Variants in ADGRB3 observed in about 807,000 individuals in gnomAD.
ADGRB3 encodes adhesion G protein-coupled receptor B3, also known as brain-specific angiogenesis inhibitor 3.
Under a neutral mutation model 193.4 loss-of-function variants are expected in ADGRB3, and 37 were observed. The ratio of observed to expected loss-of-function variants is 0.19; its 90% CI spans 0.15 to 0.25. The LOEUF is 0.25. Among genes scored for constraint, ADGRB3 ranks in the 10% least tolerant of loss-of-function variants. The pLI is 1.00. For missense variants in ADGRB3, 1,637 were observed against 1,852.9 expected, an observed-to-expected ratio of 0.88 and a Z score of 2.14; for synonymous variants, 690 against 644.2, an observed-to-expected ratio of 1.07 and a Z score of -1.08.
chr6:69,069,731 T>TAAAAAAAAAAAAAAA (rs754345752), intron 16 of ADGRB3, among the ~76,000 whole-genome samples: 4 of 108,234 alleles, frequency 3.7e-5, no homozygotes, highest in African/African-American at 7.9e-5. Flanking sequence ...ACTCTCTCAT[T>TAAAAAAAAAAAAAAA]AAAAAAAAAA....
intron 17 of ADGRB3, among the ~76,000 whole-genome samples, chr6:69,198,725 C>T (rs1465675409): frequency 6.6e-6 from 1 of 152,050 alleles, no homozygotes. Flanking sequence ...GCCATATAGT[C>T]ATCTGGAGAG....
At chr6:68,756,163 A>C (rs2127349130) in intron 3 of ADGRB3, among the ~76,000 whole-genome samples, 1 of 151,932 alleles carries the variant, frequency 6.6e-6, no homozygotes, top group Admixed American at 6.6e-5. Context: ...TAAGGGTAGA[A>C]GACAAGAGTA....
chr6:68,768,602 A>G (rs974116199), intron 3 of ADGRB3, among the ~76,000 whole-genome samples: 1 of 152,202 alleles, frequency 6.6e-6, no homozygotes, highest in East Asian at 1.9e-4. Context: ...AAGAAAACCT[A>G]GGCAATATCA....
intron 3 of ADGRB3, among the ~76,000 whole-genome samples, chr6:68,851,699 G>A (rs775872451): frequency 6.6e-5 from 10 of 151,652 alleles, no homozygotes; most frequent in South Asian, 2.1e-4. Context: ...AGAATCCTAC[G>A]GTTTTTCAAT....
chr6:69,340,252 G>T (rs916969236), intron 26 of ADGRB3, among the ~76,000 whole-genome samples: 3 of 152,188 alleles, frequency 2.0e-5, no homozygotes, highest in Non-Finnish European at 4.4e-5. Context: ...GACAGTGAGA[G>T]ATTTCAGACT....
intron 3 of ADGRB3, among the ~76,000 whole-genome samples, chr6:68,673,234 TCTGA>T (rs1406562439): frequency 5.3e-5 from 8 of 152,212 alleles, no homozygotes; most frequent in African/African-American, 1.7e-4. Context: ...CATTTCCCTT[TCTGA>T]CTAATAGACA....
At chr6:69,374,501 C>T (rs1769772247) in intron 30 of ADGRB3, among the ~76,000 whole-genome samples, 1 of 152,032 alleles carries the variant, frequency 6.6e-6, no homozygotes, top group Non-Finnish European at 1.5e-5. Context: ...AACATCTTTG[C>T]TTCAGGCTTT....
At chr6:69,318,255 T>C (rs1768361690) in intron 20 of ADGRB3, among the ~76,000 whole-genome samples, 1 of 151,508 alleles carries the variant, frequency 6.6e-6, no homozygotes, top group African/African-American at 2.4e-5. Flanking sequence ...TTCACTTCAA[T>C]ATATAATTTC....
intron 20 of ADGRB3, among the ~76,000 whole-genome samples, chr6:69,278,691 C>T (rs757410305): frequency 4.4e-4 from 67 of 152,086 alleles, no homozygotes; most frequent in Non-Finnish European, 7.9e-4. Context: ...AGAGCAGTGT[C>T]CTGGTGAAGA....
chr6:69,376,022 C>A (rs1177057572), intron 30 of ADGRB3, among the ~76,000 whole-genome samples: 1 of 146,762 alleles, frequency 6.8e-6, no homozygotes, highest in Non-Finnish European at 1.5e-5. Flanking sequence ...CTTTTTTAAT[C>A]TTCACTTCCA....
intron 21 of ADGRB3, among the ~76,000 whole-genome samples, chr6:69,326,160 A>T (rs1031960584): frequency 6.6e-6 from 1 of 152,118 alleles, no homozygotes; most frequent in African/African-American, 2.4e-5. Flanking sequence ...GGAGGATTGC[A>T]TGAGCCTGGG....
At chr6:68,962,565 GA>G (rs1768265330) in intron 8 of ADGRB3, among the ~76,000 whole-genome samples, 1 of 151,994 alleles carries the variant, frequency 6.6e-6, no homozygotes, top group Non-Finnish European at 1.5e-5. Context: ...GTTCAATTTA[GA>G]AATATTTAGC....
At chr6:68,879,764 A>G (rs1765686737) in intron 3 of ADGRB3, among the ~76,000 whole-genome samples, 1 of 152,098 alleles carries the variant, frequency 6.6e-6, no homozygotes, top group Non-Finnish European at 1.5e-5. Flanking sequence ...TTCAGATCAA[A>G]TTGCTTAGAT....
At chr6:68,765,978 A>G (rs1442218802) in intron 3 of ADGRB3, among the ~76,000 whole-genome samples, 1 of 152,002 alleles carries the variant, frequency 6.6e-6, no homozygotes, top group African/African-American at 2.4e-5. Flanking sequence ...TACCTTAATA[A>G]TAGCTTGTCT....
chr6:68,811,511 C>T (rs1767512079), intron 3 of ADGRB3, among the ~76,000 whole-genome samples: 1 of 152,102 alleles, frequency 6.6e-6, no homozygotes, highest in Admixed American at 6.5e-5. Flanking sequence ...CTCTGCTGCC[C>T]AGGCTGGAGT....
rs559564823 is a variant in ADGRB3, at chr6:69,361,571, G to A, written c.4239+59G>A. On this transcript the variant is annotated intron_variant, in intron 29 of 31. Transcript: ENST00000370598. ...GTTGAAATATGAATAGATATAAATA[G>A]AGATATTGATTGATTGGTTGATTGA... 1.3e-5 allele frequency: 19 copies of A among 1,512,514 alleles called. No homozygotes were observed. In the South Asian group the frequency reaches 1.3e-4, roughly 10 times the overall value. 93.7% of individuals were successfully genotyped at this position (1,512,514 alleles called of 1,614,324 possible). A position where few individuals can be genotyped will look rare whatever the true frequency, so the allele number is the denominator to read the frequency against.
At chr6:68,664,229 A>T (rs1015337560) in intron 3 of ADGRB3, among the ~76,000 whole-genome samples, 2 of 150,954 alleles carry the variant, frequency 1.3e-5, no homozygotes, top group African/African-American at 4.9e-5. Flanking sequence ...TCAAATACCG[A>T]TTTTTTTTTA....
intron 5 of ADGRB3, among the ~76,000 whole-genome samples, chr6:68,939,184 G>A (rs1767569175): frequency 1.3e-5 from 2 of 152,044 alleles, no homozygotes; most frequent in Non-Finnish European, 2.9e-5. Flanking sequence ...TGTCCAGAAG[G>A]CTAATATTCC....
intron 13 of ADGRB3, among the ~76,000 whole-genome samples, chr6:69,023,669 CT>C (rs1198433407): frequency 2.0e-5 from 3 of 152,166 alleles, no homozygotes; most frequent in Admixed American, 6.5e-5. Context: ...AAGAGTTGTG[CT>C]TTGGTAGAAC....
Sources: allele counts gnomAD v4.1 joint callset (sites outside exome capture counted in the v4.1 genomes callset), GRCh38; gene constraint gnomAD v4.1.1; transcripts MANE v1.5; gene names NCBI Gene and HGNC (gene_info 2026-07-23, HGNC 2026-07-21).